The following CES5A variants were observed in gnomAD, a reference collection of about 807,000 sequenced individuals.
CES5A encodes the protein carboxylesterase 5A, also known as carboxylesterase 5.
A neutral mutation model predicts 62.9 loss-of-function variants in CES5A; 67 were observed. That is an observed-to-expected ratio of 1.07 (90% CI 0.88 to 1.31). The LOEUF (loss-of-function observed/expected upper bound fraction) is 1.31, where lower values mean the gene tolerates loss of function less well. Ranked by LOEUF, CES5A falls within the 50% of genes most tolerant of loss-of-function variation. CES5A has a pLI of 0.00. For synonymous variants in CES5A, 296 were observed against 280.8 expected (o/e 1.05, Z -0.54); for missense variants, 748 against 708.5 (o/e 1.06, Z -0.63).
chr16:55,856,103 C>T (rs2033237562), intron 9 of CES5A, among the ~76,000 whole-genome samples: 1 of 152,072 alleles, frequency 6.6e-6, no homozygotes. Flanking sequence ...TGAGGCCTCC[C>T]GAGAAGCTGA....
intron 2 of CES5A, among the ~76,000 whole-genome samples, chr16:55,934,282 T>C (rs755478169): frequency 1.3e-5 from 2 of 152,230 alleles, no homozygotes; most frequent in African/African-American, 4.8e-5. Context: ...AGAGAATGTA[T>C]ATTATTGTTT....
intron 6 of CES5A, 37 bp downstream of exon 6, chr16:55,863,311 G>C (rs1366968905): frequency 9.3e-7 from 1 of 1,074,828 alleles, no homozygotes; most frequent in South Asian, 1.2e-5. Flanking sequence ...TGCTAACTGA[G>C]GAGAGGAAGG....
At chr16:55,929,996 T>C (rs1270294991), upstream of CES5A, among the ~76,000 whole-genome samples, 1 of 152,002 alleles carries the variant, frequency 6.6e-6, no homozygotes, top group African/African-American at 2.4e-5. Flanking sequence ...GGCTCCCCAA[T>C]ATTGTCAGGG....
At chr16:55,848,945 A>T (rs1160308646) in intron 11 of CES5A, among the ~76,000 whole-genome samples, 5 of 152,224 alleles carry the variant, frequency 3.3e-5, no homozygotes, top group African/African-American at 1.2e-4. Flanking sequence ...AATAACCCAC[A>T]GTGCACAAAT....
At chr16:55,924,883 C>T (rs2034243127) in intron 1 of CES5A, among the ~76,000 whole-genome samples, 1 of 152,080 alleles carries the variant, frequency 6.6e-6, no homozygotes, top group African/African-American at 2.4e-5. Flanking sequence ...GGATGAAAGA[C>T]TTAAATCTAA....
At chr16:55,872,142 C>T (rs1183369271) in intron 2 of CES5A, among the ~76,000 whole-genome samples, 1 of 152,144 alleles carries the variant, frequency 6.6e-6, no homozygotes, top group Non-Finnish European at 1.5e-5. Context: ...ATAACAAGGG[C>T]TTTGCCCCTG....
intron 6 of CES5A, among the ~76,000 whole-genome samples, chr16:55,862,818 G>A (rs1300523859): frequency 6.6e-6 from 1 of 152,114 alleles, no homozygotes; most frequent in African/African-American, 2.4e-5. Flanking sequence ...ATTATGCTGG[G>A]GGCCTGAAGG....
chr16:55,906,931 T>C (rs1353449635), intron 1 of CES5A, among the ~76,000 whole-genome samples: 2 of 152,192 alleles, frequency 1.3e-5, no homozygotes, highest in Non-Finnish European at 2.9e-5. Flanking sequence ...CAAGTTTGTT[T>C]CTCTGTGCCT....
chr16:55,886,967 G>T (rs748590046), intron 1 of CES5A, among the ~76,000 whole-genome samples: 12 of 152,112 alleles, frequency 7.9e-5, no homozygotes, highest in Non-Finnish European at 1.6e-4. Flanking sequence ...ACCATATGCT[G>T]CATCCACTGG....
intron 10 of CES5A, among the ~76,000 whole-genome samples, chr16:55,850,810 T>C (rs1748358910): frequency 2.0e-5 from 3 of 152,204 alleles, no homozygotes; most frequent in African/African-American, 2.4e-5. Context: ...ACAACTTTTT[T>C]CCACAGTGGC....
At chr16:55,846,927 CCCCTCCT>C in intron 11 of CES5A, 87 bp from the exon 12 acceptor site, 1 of 1,032,276 alleles carries the variant, frequency 9.7e-7, no homozygotes, top group Non-Finnish European at 1.5e-6. Context: ...CCTTTTCACA[CCCCTCCT>C]CCCACTGTAA....
At position 55,952,417 on chromosome 16, in the gene CES5A, G is replaced by T. The variant is rs1184024696; in HGVS notation, c.43-2515C>A. Among the ~76,000 whole-genome samples the T allele has an allele frequency of 3.1e-5, 4 of 129,916 alleles. No individual in the cohort carries two copies. The East Asian group carries it at 7.8e-4, about 25-fold the overall frequency. The allele number at this position is 129,916 out of a possible 152,430, so 85.2% of individuals were successfully genotyped here. The stretch of plus-strand genomic sequence containing the variant: ...GAAATTAGAGGAAGATATTAATAAA[G>T]ATAAAATGCAAAAATTAACTAGAAC... On this transcript the variant is annotated intron_variant, in intron 1 of 13. Coordinates refer to the CES5A transcript ENST00000521992.
rs939402778 is a variant in CES5A, at chr16:55,932,563, G to T, written c.160+17222C>A. Among the ~76,000 whole-genome samples, 5 of 147,214 alleles carry T rather than the reference G, an allele frequency of 3.4e-5. No homozygotes were observed. In the South Asian group the frequency reaches 9.2e-4, roughly 27 times the overall value. On this transcript the variant is annotated intron_variant, in intron 2 of 13. Transcript: ENST00000521992. Reference sequence around the variant, plus strand: ...GTGTGTGATGACAGAAAATAATGGGGGGGGGAGGGTGGGCAACTCTGGATA... The same window carrying T: ...GTGTGTGATGACAGAAAATAATGGGTGGGGGAGGGTGGGCAACTCTGGATA...
intron 1 of CES5A, among the ~76,000 whole-genome samples, chr16:55,908,423 C>G (rs2034060752): frequency 6.6e-6 from 1 of 152,098 alleles, no homozygotes; most frequent in South Asian, 2.1e-4. Context: ...GCAATGGTTG[C>G]AATCTTGGCT....
At chr16:55,916,467 G>A (rs1461209574) in intron 1 of CES5A, among the ~76,000 whole-genome samples, 10 of 152,198 alleles carry the variant, frequency 6.6e-5, no homozygotes, top group African/African-American at 1.9e-4. Flanking sequence ...AAGACAGCCA[G>A]CCTATGAGGC....
At chr16:55,882,097 A>C (rs1302889710) in intron 1 of CES5A, among the ~76,000 whole-genome samples, 1 of 152,164 alleles carries the variant, frequency 6.6e-6, no homozygotes. Flanking sequence ...TAACAATGAA[A>C]AATCCCTTAC....
chr16:55,854,568 C>G (rs1385553097), intron 9 of CES5A, among the ~76,000 whole-genome samples: 2 of 11,722 alleles, frequency 1.7e-4, no homozygotes, highest in African/African-American at 6.5e-4. Context: ...GAGACAGAGT[C>G]TCTCGCTCTG....
At chr16:55,947,914 A>T (rs1311375510) in intron 2 of CES5A, among the ~76,000 whole-genome samples, 1 of 152,028 alleles carries the variant, frequency 6.6e-6, no homozygotes, top group African/African-American at 2.4e-5. Context: ...TTAAAATGGG[A>T]TGGAAAATAT....
intron 10 of CES5A, among the ~76,000 whole-genome samples, chr16:55,851,532 C>A (rs183165321): frequency 2.5e-3 from 385 of 152,234 alleles, no homozygotes; most frequent in South Asian, 0.023. Flanking sequence ...AAATTGCACC[C>A]CTTGTGCATT....
Sources: allele counts gnomAD v4.1 joint callset (sites outside exome capture counted in the v4.1 genomes callset), GRCh38; gene constraint gnomAD v4.1.1; transcripts MANE v1.5; gene names NCBI Gene and HGNC (gene_info 2026-07-23, HGNC 2026-07-21).